KCNH8: variants seen among roughly 807,000 people sequenced by gnomAD.
KCNH8 encodes potassium voltage-gated channel subfamily H member 8.
A neutral mutation model predicts 103.6 loss-of-function variants in KCNH8; 70 were observed. The observed-to-expected ratio is 0.68, with a 90% CI of 0.56 to 0.82. KCNH8 has a LOEUF of 0.82. Ranked by LOEUF, KCNH8 falls within the 40% of genes least tolerant of loss-of-function variation. KCNH8 has a pLI of 0.00. For synonymous variants in KCNH8, 498 were observed against 489.4 expected (o/e 1.02, Z -0.23); for missense variants, 1,217 against 1,329.9 (o/e 0.92, Z 1.32).
chr3:19,169,360 G>A (rs759204292), intron 1 of KCNH8, among the ~76,000 whole-genome samples: 12 of 148,150 alleles, frequency 8.1e-5, no homozygotes, highest in Non-Finnish European at 1.2e-4. Context: ...CCGGGTTCAC[G>A]CCATTCTCCT....
intron 1 of KCNH8, among the ~76,000 whole-genome samples, chr3:19,231,121 C>G (rs921206734): frequency 6.6e-6 from 1 of 152,000 alleles, no homozygotes; most frequent in Non-Finnish European, 1.5e-5. Context: ...AAATGTATAT[C>G]TGCTATCTTG....
intron 7 of KCNH8, among the ~76,000 whole-genome samples, chr3:19,429,702 A>T (rs1011735551): frequency 7.2e-5 from 11 of 151,894 alleles, no homozygotes; most frequent in Non-Finnish European, 1.6e-4. Context: ...CCATTAGTTG[A>T]TTTTTCTGAT....
intron 3 of KCNH8, among the ~76,000 whole-genome samples, chr3:19,312,129 T>C (rs546690743): frequency 6.6e-6 from 1 of 152,066 alleles, no homozygotes; most frequent in South Asian, 2.1e-4. Context: ...CCAAGTATAC[T>C]GCAGCTTACA....
At chr3:19,232,318 C>T (rs530880274) in intron 1 of KCNH8, among the ~76,000 whole-genome samples, 1 of 152,280 alleles carries the variant, frequency 6.6e-6, no homozygotes, top group South Asian at 2.1e-4. Flanking sequence ...ATATCCTTCA[C>T]TGAGAATCTG....
chr3:19,516,628 T>C (rs2068878805), intron 14 of KCNH8, among the ~76,000 whole-genome samples: 1 of 152,018 alleles, frequency 6.6e-6, no homozygotes, highest in South Asian at 2.1e-4. Flanking sequence ...ATCCACATAT[T>C]TCTAGTCCTA....
chr3:19,473,858 T>C (rs547360662), intron 11 of KCNH8, among the ~76,000 whole-genome samples: 1 of 152,226 alleles, frequency 6.6e-6, no homozygotes, highest in Non-Finnish European at 1.5e-5. Context: ...ATTCACATTT[T>C]TCCGTCAACC....
intron 1 of KCNH8, among the ~76,000 whole-genome samples, chr3:19,241,108 T>G (rs1049827243): frequency 1.3e-5 from 2 of 152,198 alleles, no homozygotes; most frequent in Non-Finnish European, 2.9e-5. Flanking sequence ...TTCAAGCTGT[T>G]TTCCTTTTGT....
In KCNH8 at chr3:19,523,203, T is replaced by C. The variant is rs1041251890; in HGVS notation, c.2619+5129T>C. 2.0e-5 allele frequency among the ~76,000 whole-genome samples: 3 copies of C among 151,892 alleles called. No individual in the cohort carries two copies. In the East Asian group the frequency reaches 5.8e-4, roughly 29 times the overall value. ...TTTTTTAGGAATGACTGTGTTTGCA[T>C]TACATTTCATAATTGGATAATAGGT... On this transcript the variant is annotated intron_variant, in intron 15 of 15. Coordinates refer to ENST00000328405, the MANE Select transcript of KCNH8 (RefSeq NM_144633.3).
intron 5 of KCNH8, among the ~76,000 whole-genome samples, chr3:19,360,448 T>C (rs1372288159): frequency 6.6e-6 from 1 of 152,026 alleles, no homozygotes; most frequent in Non-Finnish European, 1.5e-5. Flanking sequence ...GTTAACACAA[T>C]TACTCATATT....
At chr3:19,432,816 A>G (rs1447852070) in intron 7 of KCNH8, among the ~76,000 whole-genome samples, 1 of 152,144 alleles carries the variant, frequency 6.6e-6, no homozygotes, top group African/African-American at 2.4e-5. Flanking sequence ...CAACTTAACC[A>G]TGAGCCTAAT....
chr3:19,241,422 C>A (rs1222970696), intron 1 of KCNH8, among the ~76,000 whole-genome samples: 1 of 151,926 alleles, frequency 6.6e-6, no homozygotes, highest in Non-Finnish European at 1.5e-5. Context: ...GAATTGAAAC[C>A]CAATTCTAAG....
At chr3:19,372,779 A>G (rs1445296034) in intron 5 of KCNH8, among the ~76,000 whole-genome samples, 2 of 152,292 alleles carry the variant, frequency 1.3e-5, no homozygotes, top group South Asian at 2.1e-4. Context: ...ATTTTGAAAT[A>G]TGTCCCATCA....
chr3:19,162,700 G>T (rs900461752), intron 1 of KCNH8, among the ~76,000 whole-genome samples: 7 of 152,000 alleles, frequency 4.6e-5, no homozygotes, highest in African/African-American at 1.4e-4. Context: ...GTTCCGTACT[G>T]ATTTTGCAAT....
chr3:19,362,690 G>T (rs1195688929), intron 5 of KCNH8, among the ~76,000 whole-genome samples: 1 of 152,098 alleles, frequency 6.6e-6, no homozygotes. Context: ...TTGAGACAAG[G>T]TCTCACTCTG....
chr3:19,158,217 A>T (rs2063199988), intron 1 of KCNH8, among the ~76,000 whole-genome samples: 1 of 151,578 alleles, frequency 6.6e-6, no homozygotes, highest in Non-Finnish European at 1.5e-5. Flanking sequence ...GTTATTCAAC[A>T]ATTCATCTTC....
intron 3 of KCNH8, among the ~76,000 whole-genome samples, chr3:19,332,202 A>G (rs1370284315): frequency 2.0e-5 from 3 of 152,058 alleles, no homozygotes; most frequent in African/African-American, 4.8e-5. Flanking sequence ...TAAAAATTCT[A>G]TCACTACAAA....
At chr3:19,159,530 T>G (rs948741322) in intron 1 of KCNH8, among the ~76,000 whole-genome samples, 1 of 152,090 alleles carries the variant, frequency 6.6e-6, no homozygotes, top group Non-Finnish European at 1.5e-5. Flanking sequence ...AATAAGGCAT[T>G]GTTATTCATT....
At chr3:19,371,830 G>T (rs1242779934) in intron 5 of KCNH8, among the ~76,000 whole-genome samples, 4 of 150,794 alleles carry the variant, frequency 2.7e-5, no homozygotes, top group Admixed American at 6.6e-5. Flanking sequence ...TTCTACATAT[G>T]GCTAGCCAGT....
chr3:19,496,571 G>T (rs1437899944), intron 11 of KCNH8, among the ~76,000 whole-genome samples: 1 of 152,054 alleles, frequency 6.6e-6, no homozygotes, highest in African/African-American at 2.4e-5. Flanking sequence ...TTACCTTTAT[G>T]ATGTGCTGCT....
Sources: gnomAD v4.1 joint callset for allele counts (sites outside exome capture counted in the v4.1 genomes callset) on GRCh38, gnomAD v4.1.1 for gene constraint, MANE v1.5 for transcripts, NCBI Gene and HGNC (gene_info 2026-07-23, HGNC 2026-07-21) for gene names.